The following MCF2L2 variants were observed in gnomAD, a reference collection of about 807,000 sequenced individuals.
The protein encoded by MCF2L2 is MCF.2 cell line derived transforming sequence-like 2, also known as probable guanine nucleotide exchange factor MCF2L2.
A neutral mutation model predicts 150.2 loss-of-function variants in MCF2L2; 102 were observed. The ratio of observed to expected loss-of-function variants is 0.68; its 90% CI spans 0.58 to 0.80. The LOEUF (loss-of-function observed/expected upper bound fraction) is 0.80, where lower values mean the gene tolerates loss of function less well. Ranked by LOEUF, MCF2L2 falls within the 30% of genes least tolerant of loss-of-function variation. The pLI is 0.00. For synonymous variants in MCF2L2, 465 were observed against 491.3 expected, an observed-to-expected ratio of 0.95 and a Z score of 0.71; for missense variants, 1,256 against 1,372.8, an observed-to-expected ratio of 0.91 and a Z score of 1.34.
intron 18 of MCF2L2, chr3:183,225,972 C>T (rs992528956): frequency 3.9e-5 from 6 of 152,138 alleles, no homozygotes; most frequent in East Asian, 1.9e-4. Flanking sequence ...CATGATAAAT[C>T]GGGTTTCCTG....
intron 3 of MCF2L2, among the ~76,000 whole-genome samples, chr3:183,354,059 C>T (rs887829776): frequency 6.6e-6 from 1 of 152,038 alleles, no homozygotes; most frequent in Non-Finnish European, 1.5e-5. Flanking sequence ...TAACAGAAAG[C>T]GGGGTCAGAC....
At chr3:183,387,954 A>G (rs1016441333) in intron 2 of MCF2L2, among the ~76,000 whole-genome samples, 1 of 142,460 alleles carries the variant, frequency 7.0e-6, no homozygotes, top group Admixed American at 7.1e-5. Context: ...AAAAAAAAAA[A>G]GAAGTTACAA....
intron 3 of MCF2L2, among the ~76,000 whole-genome samples, chr3:183,361,364 C>G (rs1291228570): frequency 6.6e-6 from 1 of 152,180 alleles, no homozygotes; most frequent in Non-Finnish European, 1.5e-5. Flanking sequence ...CCACCTAAAT[C>G]TCATGTGGAA....
At chr3:183,253,576 C>T (rs1724712282) in intron 15 of MCF2L2, 1 of 152,262 alleles carries the variant, frequency 6.6e-6, no homozygotes, top group Admixed American at 6.5e-5. Context: ...AGTTTCCTTA[C>T]TTTGTTACTG....
chr3:183,390,053 T>G (rs1714053949), intron 1 of MCF2L2, among the ~76,000 whole-genome samples: 1 of 152,144 alleles, frequency 6.6e-6, no homozygotes, highest in African/African-American at 2.4e-5. Context: ...ACCCTGAAGT[T>G]TAAGCTCCAG....
intron 22 of MCF2L2, among the ~76,000 whole-genome samples, chr3:183,209,946 A>C (rs947203277): frequency 5.9e-5 from 9 of 152,182 alleles, no homozygotes; most frequent in Admixed American, 1.3e-4. Flanking sequence ...AAAAAAAAAA[A>C]AACTCCAAAA....
At chr3:183,218,436 A>T (rs1485405620) in intron 21 of MCF2L2, among the ~76,000 whole-genome samples, 1 of 152,088 alleles carries the variant, frequency 6.6e-6, no homozygotes, top group Admixed American at 6.5e-5. Context: ...CACGAGATCG[A>T]GACCAGCCTG....
intron 1 of MCF2L2, among the ~76,000 whole-genome samples, chr3:183,417,830 T>G (rs1163921785): frequency 6.6e-6 from 1 of 152,022 alleles, no homozygotes; most frequent in Non-Finnish European, 1.5e-5. Context: ...TGGTGGAAGA[T>G]GAAAGGGAAG....
intron 22 of MCF2L2, among the ~76,000 whole-genome samples, chr3:183,212,851 T>C (rs1210787849): frequency 6.6e-6 from 1 of 151,256 alleles, no homozygotes; most frequent in South Asian, 2.1e-4. Flanking sequence ...TAGGGCTGTT[T>C]ATTCGGCATC....
At chr3:183,386,340 T>C (rs1241137110) in intron 2 of MCF2L2, among the ~76,000 whole-genome samples, 1 of 152,184 alleles carries the variant, frequency 6.6e-6, no homozygotes, top group Non-Finnish European at 1.5e-5. Flanking sequence ...TCTTCCAACG[T>C]CAGAGCTACC....
intron 22 of MCF2L2, among the ~76,000 whole-genome samples, chr3:183,211,866 G>A (rs1169880313): frequency 6.6e-6 from 1 of 152,160 alleles, no homozygotes; most frequent in Non-Finnish European, 1.5e-5. Context: ...CGACGCCCCT[G>A]TACTGGGTTG....
chr3:183,412,665 T>C (rs1445292448), intron 1 of MCF2L2, among the ~76,000 whole-genome samples: 3 of 152,198 alleles, frequency 2.0e-5, no homozygotes, highest in Admixed American at 6.5e-5. Context: ...CATCTGCAAA[T>C]ACAGATAGTT....
At chr3:183,317,189 A>G (rs1264870459) in intron 7 of MCF2L2, among the ~76,000 whole-genome samples, 5 of 152,158 alleles carry the variant, frequency 3.3e-5, no homozygotes, top group African/African-American at 1.2e-4. Context: ...TGTTGAATAA[A>G]CGAACAAATC....
At chr3:183,335,697 C>T (rs1730449406) in intron 5 of MCF2L2, among the ~76,000 whole-genome samples, 1 of 134,816 alleles carries the variant, frequency 7.4e-6, no homozygotes, top group Non-Finnish European at 1.5e-5. Flanking sequence ...GCAAAACCCC[C>T]TCTCTAAAAA....
intron 1 of MCF2L2, among the ~76,000 whole-genome samples, chr3:183,416,362 A>C (rs1715588320): frequency 6.6e-6 from 1 of 152,148 alleles, no homozygotes; most frequent in African/African-American, 2.4e-5. Context: ...TATGGATTTG[A>C]GCTACCCTCT....
chr3:183,336,570 G>A (rs566392095), intron 5 of MCF2L2, among the ~76,000 whole-genome samples: 26 of 152,010 alleles, frequency 1.7e-4, no homozygotes, highest in African/African-American at 4.3e-4. Flanking sequence ...GAACCTAGCC[G>A]GGCGTGGTGG....
At chr3:183,277,089 C>A in intron 14 of MCF2L2, 132 bp from the exon 15 acceptor site, 1 of 631,172 alleles carries the variant, frequency 1.6e-6, no homozygotes, top group South Asian at 2.0e-5. Flanking sequence ...GTTTCTCATG[C>A]CGCTTTCTCA....
intron 27 of MCF2L2, among the ~76,000 whole-genome samples, chr3:183,190,288 C>T (rs1460989434): frequency 6.6e-6 from 1 of 152,204 alleles, no homozygotes; most frequent in Admixed American, 6.5e-5. Flanking sequence ...GGCCAGGTAC[C>T]AGGACTCTCA....
chr3:183,291,392 G>T (rs1560001146), intron 13 of MCF2L2, among the ~76,000 whole-genome samples: 1 of 152,182 alleles, frequency 6.6e-6, no homozygotes, highest in Non-Finnish European at 1.5e-5. Context: ...TACAGTAAAG[G>T]GCTGTGATAA....
Sources: gnomAD v4.1 joint callset for allele counts (sites outside exome capture counted in the v4.1 genomes callset) on GRCh38, gnomAD v4.1.1 for gene constraint, MANE v1.5 for transcripts, NCBI Gene and HGNC (gene_info 2026-07-23, HGNC 2026-07-21) for gene names.